Variants in MEGF6 observed in about 807,000 individuals in gnomAD.
MEGF6 encodes the protein multiple EGF like domains 6.
A neutral mutation model predicts 207.1 loss-of-function variants in MEGF6; 184 were observed. The observed-to-expected ratio is 0.89, with a 90% CI of 0.79 to 1.00. The LOEUF is 1.00. Ranked by LOEUF, MEGF6 falls within the 50% of genes least tolerant of loss-of-function variation. The pLI, the probability that MEGF6 is intolerant of heterozygous loss-of-function variation, is 0.00. For missense variants in MEGF6, 2,282 were observed against 2,202.9 expected (o/e 1.04, Z -0.72); for synonymous variants, 1,038 against 910.0 (o/e 1.14, Z -2.53).
chr1:3,601,105 A>G (rs994814342), intron 2 of MEGF6, among the ~76,000 whole-genome samples: 1 of 152,208 alleles, frequency 6.6e-6, no homozygotes, highest in Non-Finnish European at 1.5e-5. Flanking sequence ...ACCCCGGCAC[A>G]TCGGCAATGC....
In MEGF6 at chr1:3,490,927, A is replaced by C; in HGVS notation, c.4549T>G (p.Leu1517Val). 1 of 1,601,720 alleles carries C rather than the reference A, an allele frequency of 6.2e-7. No homozygotes were observed. The highest frequency in any genetic ancestry group is 8.5e-7 in the Non-Finnish European group (1 of 1,174,944). Residue 1517 changes from leucine (L) to valine (V), a missense_variant, in exon 36 of 37, where the codon TTA becomes GTA. By Grantham distance (32) the Leu-to-Val change is conservative (BLOSUM62 1). Transcript: ENST00000356575. ...CACCCCTTACCTGAGCCCTGGGCTA[A>C]GGACGGGTTCTCGGGGAGCCGGAGG... The part of the protein sequence containing the change: ...GPLRLPENPS[L>V]AQGSAGTLPA...
chr1:3,524,144 G>T lies in MEGF6; in HGVS notation c.584C>A (p.Thr195Asn), dbSNP rs376754220. Residue 195 changes from threonine to asparagine, a missense_variant, in exon 5 of 37, where the codon ACT becomes AAT. Thr to Asn is a moderately conservative substitution (Grantham distance 65, BLOSUM62 0). Coordinates refer to ENST00000356575, the MANE Select transcript of MEGF6 (RefSeq NM_001409.4). Reference protein sequence around the residue: ...CECKPGFRLHTDSRTCLAINS... With the variant: ...CECKPGFRLHNDSRTCLAINS... ...CTCACCCAGGCAGGTCCTGCTGTCA[G>T]TGTGGAGCCGGAAGCCGGGCTTGCA... The T allele has an allele frequency of 6.2e-6, 10 of 1,612,638 alleles. No homozygotes were observed. Among genetic ancestry groups the T allele is most frequent in the African/African-American group, 1.3e-5 (1 of 75,080 alleles).
intron 4 of MEGF6, among the ~76,000 whole-genome samples, chr1:3,546,366 C>A (rs555992784): frequency 6.6e-6 from 1 of 152,238 alleles, no homozygotes; most frequent in Non-Finnish European, 1.5e-5. Flanking sequence ...CCTGCCCGCC[C>A]CTCCTTCCTC....
At chr1:3,531,374 G>A (rs1557754956) in intron 4 of MEGF6, 17 of 1,179,586 alleles carry the variant, frequency 1.4e-5, no homozygotes, top group Non-Finnish European at 1.4e-5. Flanking sequence ...TCCCAGCCCC[G>A]GGATCCGCTC....
At chr1:3,543,559 T>G (rs1642598757) in intron 4 of MEGF6, among the ~76,000 whole-genome samples, 1 of 151,470 alleles carries the variant, frequency 6.6e-6, no homozygotes, top group Non-Finnish European at 1.5e-5. Flanking sequence ...GAGCTGGGGG[T>G]GAGAACCCCC....
At chr1:3,509,787 G>A in intron 11 of MEGF6, 83 bp downstream of exon 11, 1 of 1,454,508 alleles carries the variant, frequency 6.9e-7, no homozygotes, top group Admixed American at 2.6e-5. Flanking sequence ...GGGTGGGGTG[G>A]GCCAGGCCTG....
Position 3,556,592 on chromosome 1 carries a change from A to G in MEGF6, c.481+23233T>C, listed in dbSNP as rs1259404136. The stretch of plus-strand genomic sequence containing the variant: ...AGCAGCGGAACTACCTGCAAATGAG[A>G]GGACAGAGGACCCGGTGACTGCCTG... On this transcript the variant is annotated intron_variant, in intron 4 of 36. Transcript: ENST00000356575. The surrounding 1 kb of genome is among the most constrained non-coding windows in gnomAD (Gnocchi z 4.4). Among the ~76,000 whole-genome samples the G allele has an allele frequency of 6.6e-6, 1 of 152,098 alleles. No homozygotes were observed. The highest frequency in any genetic ancestry group is 1.9e-4 in the East Asian group (1 of 5,164).
At chr1:3,506,318 G>T (rs1641117669) in intron 14 of MEGF6, 82 bp from the exon 15 acceptor site, 2 of 1,494,072 alleles carry the variant, frequency 1.3e-6, no homozygotes, top group Admixed American at 4.2e-5. Context: ...GGATGCGCGG[G>T]GGCCCAGGGC....
chr1:3,604,289 G>A (rs61737343), intron 1 of MEGF6, among the ~76,000 whole-genome samples: 1,718 of 152,288 alleles, frequency 0.011, 46 homozygotes, highest in African/African-American at 0.039. Flanking sequence ...CCGAGGTAGC[G>A]TTGATTCCTG....
chr1:3,501,644 CT>C (rs1429834619), intron 18 of MEGF6, 151 bp downstream of exon 18: 1 of 1,193,346 alleles, frequency 8.4e-7, no homozygotes, highest in Non-Finnish European at 1.1e-6. Context: ...CAGACCCCCC[CT>C]CCCTACCCCA....
At chr1:3,494,203 C>T in intron 32 of MEGF6, 79 bp from the exon 33 acceptor site, 1 of 1,503,412 alleles carries the variant, frequency 6.7e-7, no homozygotes, top group South Asian at 1.3e-5. Context: ...GTAAAACCCG[C>T]CAATCCAGGG....
chr1:3,535,197 G>A (rs1642288881), intron 4 of MEGF6, among the ~76,000 whole-genome samples: 1 of 152,146 alleles, frequency 6.6e-6, no homozygotes, highest in Non-Finnish European at 1.5e-5. Flanking sequence ...CGGTGCCCGT[G>A]GGATCCAGGC....
intron 4 of MEGF6, among the ~76,000 whole-genome samples, chr1:3,537,813 G>A (rs916101249): frequency 2.0e-5 from 3 of 152,234 alleles, no homozygotes; most frequent in East Asian, 1.9e-4. Flanking sequence ...AGGTAAGGGC[G>A]TGTCCCCCGC....
At chr1:3,542,299 A>T (rs996182163) in intron 4 of MEGF6, among the ~76,000 whole-genome samples, 1 of 152,168 alleles carries the variant, frequency 6.6e-6, no homozygotes, top group Admixed American at 6.5e-5. Context: ...TCCCCATTAC[A>T]TTGTCACTGT....
At chr1:3,550,466 T>C (rs1642849623) in intron 4 of MEGF6, among the ~76,000 whole-genome samples, 1 of 152,182 alleles carries the variant, frequency 6.6e-6, no homozygotes, top group Non-Finnish European at 1.5e-5. Context: ...AGGTGATGGC[T>C]GCATAGCACG....
In MEGF6 at chr1:3,594,525, G is replaced by A. The variant is rs1273087937; in HGVS notation, c.376+813C>T. Among the ~76,000 whole-genome samples, 1 of 152,162 alleles carries A rather than the reference G, an allele frequency of 6.6e-6. No individual in the cohort carries two copies. Among genetic ancestry groups the A allele is most frequent in the African/African-American group, 2.4e-5 (1 of 41,452 alleles). ...GCAGCCTGTCCCTCACTGGCAGGATGCCACCTCGATTTTTTAGGGGAGGCC... is the reference window on the plus strand; with the variant it reads ...GCAGCCTGTCCCTCACTGGCAGGATACCACCTCGATTTTTTAGGGGAGGCC... On this transcript the variant is annotated intron_variant, in intron 3 of 36. Coordinates refer to ENST00000356575, the MANE Select transcript of MEGF6 (RefSeq NM_001409.4). This position sits in a 1 kb window ranked among gnomAD's most constrained non-coding sequence, Gnocchi z 4.2.
At position 3,499,090 on chromosome 1, in the gene MEGF6, C is replaced by T. The variant is rs1048957571; in HGVS notation, c.3094+48G>A. 4.4e-6 allele frequency: 7 copies of T among 1,587,332 alleles called. No individual in the cohort carries two copies. In the Admixed American group the frequency reaches 1.2e-4, roughly 28 times the overall value. On this transcript the variant is annotated intron_variant, in intron 24 of 36. Transcript: ENST00000356575. ...GTGGGCCCTGCAAGAGGCCAGCACC[C>T]TCGCTCAGGCCTGGACCCCGGTCCC...
At chr1:3,539,093 G>A (rs956667389) in intron 4 of MEGF6, among the ~76,000 whole-genome samples, 9 of 152,198 alleles carry the variant, frequency 5.9e-5, no homozygotes, top group East Asian at 1.9e-4. Context: ...ATCCCAGGGG[G>A]TGAGGGGTAG....
At chr1:3,497,702 G>T in intron 26 of MEGF6, 1 of 467,496 alleles carries the variant, frequency 2.1e-6, no homozygotes, top group Non-Finnish European at 4.0e-6. Context: ...CCGGGAGACA[G>T]CAGCCGGGGC....
Sources: allele counts gnomAD v4.1 joint callset (sites outside exome capture counted in the v4.1 genomes callset), GRCh38; gene constraint gnomAD v4.1.1; non-coding constraint Gnocchi (gnomAD v3.1); transcripts MANE v1.5; gene names NCBI Gene and HGNC (gene_info 2026-07-23, HGNC 2026-07-21).